Variants in MSRA observed in about 807,000 individuals in gnomAD.
MSRA encodes mitochondrial peptide methionine sulfoxide reductase.
MSRA carries 54 observed loss-of-function variants against 31.3 expected under a neutral mutation model. That is an observed-to-expected ratio of 1.73 (90% CI 1.39 to 2.17). The LOEUF is 2.17. Among genes scored for constraint, MSRA ranks in the 30% most tolerant of loss-of-function variants. MSRA has a pLI of 0.00. For synonymous variants in MSRA, 169 were observed against 116.5 expected, an observed-to-expected ratio of 1.45 and a Z score of -2.90; for missense variants, 507 against 300.9, an observed-to-expected ratio of 1.69 and a Z score of -5.07.
At chr8:10,334,546 G>T (rs1244251357) in intron 5 of MSRA, among the ~76,000 whole-genome samples, 1 of 152,140 alleles carries the variant, frequency 6.6e-6, no homozygotes, top group Non-Finnish European at 1.5e-5. Context: ...CGTTGATTGT[G>T]TCGCAGCCCG....
intron 1 of MSRA, among the ~76,000 whole-genome samples, chr8:10,064,590 A>G (rs1370512392): frequency 6.6e-6 from 1 of 152,248 alleles, no homozygotes; most frequent in African/African-American, 2.4e-5. Flanking sequence ...TACAAAATTT[A>G]GGAACATCGG....
chr8:10,386,618 T>C (rs2129177164), intron 5 of MSRA, among the ~76,000 whole-genome samples: 1 of 152,250 alleles, frequency 6.6e-6, no homozygotes, highest in East Asian at 1.9e-4. Context: ...TGTTGGGCCT[T>C]ACCTGGAGCT....
intron 3 of MSRA, among the ~76,000 whole-genome samples, chr8:10,253,363 C>T (rs1204765371): frequency 9.9e-5 from 15 of 152,134 alleles, no homozygotes; most frequent in Admixed American, 9.2e-4. Context: ...GTTCAACTCA[C>T]GTCTCTCCTT....
At chr8:10,267,514 C>G (rs1461309166) in intron 3 of MSRA, among the ~76,000 whole-genome samples, 1 of 152,148 alleles carries the variant, frequency 6.6e-6, no homozygotes, top group Non-Finnish European at 1.5e-5. Context: ...ATGGCTCAGT[C>G]TCCACACCAC....
chr8:10,251,244 G>A (rs1008265945), intron 3 of MSRA, among the ~76,000 whole-genome samples: 2 of 151,790 alleles, frequency 1.3e-5, no homozygotes, highest in African/African-American at 4.8e-5. Context: ...TTTCTGAAGT[G>A]TTTGGGTGGA....
chr8:10,395,031 A>C (rs1449806452), intron 5 of MSRA, among the ~76,000 whole-genome samples: 1 of 152,220 alleles, frequency 6.6e-6, no homozygotes, highest in Non-Finnish European at 1.5e-5. Flanking sequence ...CCTGTCCTCT[A>C]GTTGGCTTCC....
chr8:10,366,879 G>C (rs547636536), intron 5 of MSRA, among the ~76,000 whole-genome samples: 1 of 152,226 alleles, frequency 6.6e-6, no homozygotes, highest in African/African-American at 2.4e-5. Flanking sequence ...AGACCACGCT[G>C]TTGCCTCTGT....
intron 1 of MSRA, among the ~76,000 whole-genome samples, chr8:10,058,423 GATGAAA>G (rs1404350011): frequency 1.3e-5 from 2 of 152,168 alleles, no homozygotes; most frequent in African/African-American, 4.8e-5. Context: ...TTAAAACTTT[GATGAAA>G]ATGATAATTT....
intron 1 of MSRA, among the ~76,000 whole-genome samples, chr8:10,094,172 G>A (rs924610570): frequency 3.9e-5 from 6 of 152,164 alleles, no homozygotes; most frequent in Non-Finnish European, 5.9e-5. Context: ...CAACACTTGT[G>A]ATATCTCTGT....
intron 1 of MSRA, among the ~76,000 whole-genome samples, chr8:10,138,184 C>T (rs1177984056): frequency 6.6e-6 from 1 of 152,108 alleles, no homozygotes; most frequent in Non-Finnish European, 1.5e-5. Flanking sequence ...TGGGATGTAT[C>T]CCTGTGCAGT....
At chr8:10,155,773 C>T (rs556658832) in intron 1 of MSRA, among the ~76,000 whole-genome samples, 1 of 152,066 alleles carries the variant, frequency 6.6e-6, no homozygotes, top group South Asian at 2.1e-4. Context: ...CCATATGAGT[C>T]CACAGTGATG....
chr8:10,410,730 A>G (rs1232979232), intron 5 of MSRA, among the ~76,000 whole-genome samples: 1 of 152,186 alleles, frequency 6.6e-6, no homozygotes, highest in Non-Finnish European at 1.5e-5. Flanking sequence ...GGAGTGTTTG[A>G]TACTTAGAGA....
chr8:10,327,132 T>C (rs1207874309), intron 5 of MSRA, among the ~76,000 whole-genome samples: 1 of 152,220 alleles, frequency 6.6e-6, no homozygotes, highest in East Asian at 1.9e-4. Context: ...TATTTTACAA[T>C]ATATTAAGTT....
At chr8:10,182,320 C>G (rs530742598) in intron 1 of MSRA, among the ~76,000 whole-genome samples, 1 of 152,302 alleles carries the variant, frequency 6.6e-6, no homozygotes, top group East Asian at 1.9e-4. Flanking sequence ...TATCAGTTAC[C>G]TCTTGCTGAA....
chr8:10,054,412 C>T lies in MSRA; in HGVS notation c.-105C>T, dbSNP rs1802165234. 2.5e-6 allele frequency: 2 copies of T among 792,124 alleles called. No homozygotes were observed. Among genetic ancestry groups the T allele is most frequent in the Non-Finnish European group, 3.4e-6 (2 of 586,450 alleles). 49.1% of individuals were successfully genotyped at this position (792,124 alleles called of 1,614,324 possible). A position where few individuals can be genotyped will look rare whatever the true frequency, so the allele number is the denominator to read the frequency against. On this transcript the variant is annotated 5_prime_UTR_variant, in exon 1 of 6. Coordinates refer to ENST00000317173, the MANE Select transcript of MSRA (RefSeq NM_012331.5). ...CCGCGCCCGCCCGCCCGCGCCCCTG[C>T]CGCCCCCCGGTTCCGGCCGCGGACC... is the stretch of plus-strand genomic sequence containing the variant.
Position 10,428,324 on chromosome 8 carries a change from A to G in MSRA, c.*12A>G, listed in dbSNP as rs1257040321. ...GTATTAAAAAATAATTTCTCCCCACATGGTGGGCCTTTGAGGTTCCAGTAA... is the reference window on the plus strand; with the variant it reads ...GTATTAAAAAATAATTTCTCCCCACGTGGTGGGCCTTTGAGGTTCCAGTAA... On this transcript the variant is annotated 3_prime_UTR_variant, in exon 6 of 6. Coordinates refer to ENST00000317173, the MANE Select transcript of MSRA (RefSeq NM_012331.5). The G allele has an allele frequency of 3.7e-6, 6 of 1,610,926 alleles. No homozygotes were observed. The highest frequency in any genetic ancestry group is 2.2e-5 in the East Asian group (1 of 44,878).
At chr8:10,407,241 C>T (rs557275416) in intron 5 of MSRA, among the ~76,000 whole-genome samples, 1 of 152,312 alleles carries the variant, frequency 6.6e-6, no homozygotes, top group Non-Finnish European at 1.5e-5. Flanking sequence ...CATCTCACAA[C>T]CAGAGGTGGA....
intron 3 of MSRA, among the ~76,000 whole-genome samples, chr8:10,288,352 A>AT (rs1250424147): frequency 2.6e-5 from 4 of 152,080 alleles, no homozygotes; most frequent in Non-Finnish European, 5.9e-5. Flanking sequence ...CCAAGAACCG[A>AT]TTTTTGCCCC....
chr8:10,211,226 C>G (rs147421989), intron 2 of MSRA, among the ~76,000 whole-genome samples: 2 of 152,124 alleles, frequency 1.3e-5, no homozygotes, highest in South Asian at 4.1e-4. Flanking sequence ...GTGAAAAATG[C>G]ATGAATGGTC....
Sources: allele counts gnomAD v4.1 joint callset (sites outside exome capture counted in the v4.1 genomes callset), GRCh38; gene constraint gnomAD v4.1.1; transcripts MANE v1.5; gene names NCBI Gene and HGNC (gene_info 2026-07-23, HGNC 2026-07-21).